The following PDPK1 variants were observed in gnomAD, a reference collection of about 807,000 sequenced individuals.
The protein encoded by PDPK1 is 3-phosphoinositide dependent protein kinase 1.
PDPK1 carries 7 observed loss-of-function variants against 39.8 expected under a neutral mutation model. The observed-to-expected ratio is 0.18, with a 90% CI of 0.10 to 0.33. PDPK1 has a LOEUF of 0.33. Ranked by LOEUF, PDPK1 falls within the 10% of genes least tolerant of loss-of-function variation. PDPK1 has a pLI of 1.00. For missense variants in PDPK1, 182 were observed against 384.7 expected (o/e 0.47, Z 4.41); for synonymous variants, 118 against 159.1 (o/e 0.74, Z 1.95).
intron 11 of PDPK1, among the ~76,000 whole-genome samples, chr16:2,589,255 A>T (rs2066940162): frequency 6.6e-6 from 1 of 152,104 alleles, no homozygotes; most frequent in South Asian, 2.1e-4. Context: ...CGCGCCAGCC[A>T]ATGTATGCAT....
chr16:2,587,755 C>T (rs1567165416), intron 11 of PDPK1, among the ~76,000 whole-genome samples: 1 of 152,166 alleles, frequency 6.6e-6, no homozygotes, highest in Admixed American at 6.5e-5. Flanking sequence ...TTTTTAAAAG[C>T]CACGTGTATG....
chr16:2,592,216 C>T (rs891046714), intron 11 of PDPK1, among the ~76,000 whole-genome samples: 1 of 152,124 alleles, frequency 6.6e-6, no homozygotes, highest in Non-Finnish European at 1.5e-5. Flanking sequence ...GCTTTGGCAT[C>T]GGGAAAGGGG....
intron 11 of PDPK1, among the ~76,000 whole-genome samples, chr16:2,587,288 A>G (rs1210227510): frequency 6.6e-6 from 1 of 151,934 alleles, no homozygotes; most frequent in Non-Finnish European, 1.5e-5. Flanking sequence ...GCAGTGTGTG[A>G]TGGAGGGCGT....
rs1005782776 is a variant in PDPK1, at chr16:2,593,408, G to A, written c.1344-2385G>A. On this transcript the variant is annotated intron_variant, in intron 11 of 13. Transcript: ENST00000342085. This position sits in a 1 kb window ranked among gnomAD's most constrained non-coding sequence, Gnocchi z 4.2. ...GGTCCTGGTGGTTTTTTAGGTGGAGGTGGTTTCGTCCTCTTTCCGTGGCTC... is the reference window on the plus strand; with the variant it reads ...GGTCCTGGTGGTTTTTTAGGTGGAGATGGTTTCGTCCTCTTTCCGTGGCTC... The A allele has an allele frequency of 1.2e-5, 4 of 323,356 alleles. No individual in the cohort carries two copies. Among genetic ancestry groups the A allele is most frequent in the African/African-American group, 6.7e-5 (3 of 45,100 alleles). 20.0% of individuals were successfully genotyped at this position (323,356 alleles called of 1,614,324 possible).
In PDPK1 at chr16:2,602,024, C is replaced by G. The variant is rs1033853049; in HGVS notation, c.*4257C>G. The G allele has an allele frequency of 3.0e-5, 7 of 234,300 alleles. No homozygotes were observed. The highest frequency in any genetic ancestry group is 1.5e-4 in the African/African-American group (7 of 45,258). The allele number at this position is 234,300 out of a possible 1,614,324, so 14.5% of individuals were successfully genotyped here. ...TGCACGGAATTTGGTTTCTTGCCCT[C>G]TGAAGCCTGAGGGCCCCCCCTTGCC... is the stretch of plus-strand genomic sequence containing the variant. On this transcript the variant is annotated 3_prime_UTR_variant, in exon 14 of 14. Coordinates refer to ENST00000342085, the MANE Select transcript of PDPK1 (RefSeq NM_002613.5).
At chr16:2,540,555 C>T (rs1020416198) in intron 1 of PDPK1, among the ~76,000 whole-genome samples, 2 of 152,180 alleles carry the variant, frequency 1.3e-5, no homozygotes, top group African/African-American at 4.8e-5. Context: ...AGGAAATCTT[C>T]AGTGCCACTG....
rs566631892 is a variant in PDPK1, at chr16:2,602,687, G to T, written c.*4920G>T. 1.3e-5 allele frequency: 3 copies of T among 234,742 alleles called. No homozygotes were observed. Among genetic ancestry groups the T allele is most frequent in the South Asian group, 1.8e-4 (1 of 5,526 alleles). The allele number at this position is 234,742 out of a possible 1,614,324, so 14.5% of individuals were successfully genotyped here. A position where few individuals can be genotyped will look rare whatever the true frequency, so the allele number is the denominator to read the frequency against. On this transcript the variant is annotated 3_prime_UTR_variant, in exon 14 of 14. Transcript: ENST00000342085. Reference sequence around the variant, plus strand: ...CTTCACAACATAAAATAGGATAAATGACTAGTACGTCTTTCAGGTGGGTGG... The same window carrying T: ...CTTCACAACATAAAATAGGATAAATTACTAGTACGTCTTTCAGGTGGGTGG...
intron 11 of PDPK1, 29 bp from the exon 12 acceptor site, chr16:2,595,764 G>A (rs1407402537): frequency 1.9e-6 from 3 of 1,564,016 alleles, no homozygotes; most frequent in East Asian, 2.2e-5. Context: ...ATTGTCATGG[G>A]AGCATCTCTT....
At chr16:2,595,012 A>G (rs1334452267) in intron 11 of PDPK1, among the ~76,000 whole-genome samples, 2 of 152,186 alleles carry the variant, frequency 1.3e-5, no homozygotes, top group African/African-American at 4.8e-5. Flanking sequence ...GGTCCCAGCT[A>G]TTCGGGAGGC....
rs2067149002 is a variant in PDPK1, at chr16:2,598,496, AT to A, written c.*730del. 4.3e-6 allele frequency: 1 copy of A among 233,526 alleles called. No homozygotes were observed. The allele number at this position is 233,526 out of a possible 1,614,324, so 14.5% of individuals were successfully genotyped here. ...TGCCATCGAGGGCTCCGGATCCCTT[AT>A]CCTACTTAGCAGTGTTGGTCTCTGG... On this transcript the variant is annotated 3_prime_UTR_variant, in exon 14 of 14. Transcript: ENST00000342085.
intron 1 of PDPK1, among the ~76,000 whole-genome samples, chr16:2,540,750 C>T (rs978882301): frequency 4.6e-5 from 7 of 152,286 alleles, no homozygotes; most frequent in South Asian, 4.1e-4. Context: ...GGCTGTGATT[C>T]GGCCTTGTTT....
At position 2,593,456 on chromosome 16, in the gene PDPK1, T is replaced by C. The variant is rs1387503079; in HGVS notation, c.1344-2337T>C. On this transcript the variant is annotated intron_variant, in intron 11 of 13. Transcript: ENST00000342085. The surrounding 1 kb of genome is among the most constrained non-coding windows in gnomAD (Gnocchi z 4.2). Reference sequence around the variant, plus strand: ...CTCCCACAGCTCAGTGCTGGGCTGCTGTTCTCGCTCTCAGCCAGGAAGGCG... The same window carrying C: ...CTCCCACAGCTCAGTGCTGGGCTGCCGTTCTCGCTCTCAGCCAGGAAGGCG... 8.1e-6 allele frequency: 2 copies of C among 247,820 alleles called. No individual in the cohort carries two copies. Among genetic ancestry groups the C allele is most frequent in the African/African-American group, 4.7e-5 (2 of 42,606 alleles). 15.4% of individuals were successfully genotyped at this position (247,820 alleles called of 1,614,324 possible). A position where few individuals can be genotyped will look rare whatever the true frequency, so the allele number is the denominator to read the frequency against.
chr16:2,597,230 A>T lies in PDPK1; in HGVS notation c.1509A>T (p.Glu503Asp), dbSNP rs749966481. The change falls in exon 13 of 14, where the codon GAA becomes GAT. Residue 503 changes from glutamate (E) to aspartate (D), a missense_variant. Coordinates refer to ENST00000342085, the MANE Select transcript of PDPK1 (RefSeq NM_002613.5). The surrounding 1 kb of genome is among the most constrained non-coding windows in gnomAD (Gnocchi z 6.3). Reference protein sequence around the residue: ...VLKGEIPWSQELRPEAKNFKT... With the variant: ...VLKGEIPWSQDLRPEAKNFKT... ...AAGGTGAAATTCCTTGGTCACAAGA[A>T]CTTCGACCAGAGGCCAAGAATTTTA... 1.3e-6 allele frequency: 2 copies of T among 1,597,688 alleles called. No individual in the cohort carries two copies. Among genetic ancestry groups the T allele is most frequent in the Non-Finnish European group, 1.7e-6 (2 of 1,166,442 alleles).
At chr16:2,562,555 CTGTT>C (rs2066627276) in intron 4 of PDPK1, 2 of 129,990 alleles carry the variant, frequency 1.5e-5, no homozygotes, top group East Asian at 2.5e-4. Flanking sequence ...TGTGCTCTCT[CTGTT>C]TGGAGGTGCT....
At chr16:2,554,225 A>AAG in intron 1 of PDPK1, 1 of 149,954 alleles carries the variant, frequency 6.7e-6, no homozygotes, top group Middle Eastern at 3.4e-3. Context: ...GATGGGTCTG[A>AAG]AGAGGAGGCA....
chr16:2,544,571 A>T (rs73492125), intron 1 of PDPK1, among the ~76,000 whole-genome samples: 2,907 of 151,588 alleles, frequency 0.019, 95 homozygotes, highest in African/African-American at 0.066. Context: ...TGTATACATT[A>T]CCCCCTCACC....
At chr16:2,552,581 C>T (rs1428158136) in intron 1 of PDPK1, among the ~76,000 whole-genome samples, 3 of 133,440 alleles carry the variant, frequency 2.2e-5, no homozygotes, top group East Asian at 2.2e-4. Context: ...GGCAGTGACT[C>T]GTCATTGAGT....
At chr16:2,546,261 T>C (rs2066344123) in intron 1 of PDPK1, among the ~76,000 whole-genome samples, 1 of 151,458 alleles carries the variant, frequency 6.6e-6, no homozygotes, top group South Asian at 2.1e-4. Context: ...TTTTTGTGTT[T>C]TTAGTAGAGA....
At chr16:2,587,976 G>A (rs370285984) in intron 11 of PDPK1, among the ~76,000 whole-genome samples, 1 of 152,192 alleles carries the variant, frequency 6.6e-6, no homozygotes, top group Non-Finnish European at 1.5e-5. Context: ...GGAGCCCAAG[G>A]GGGTGGGGAG....
Sources: allele counts gnomAD v4.1 joint callset (sites outside exome capture counted in the v4.1 genomes callset), GRCh38; gene constraint gnomAD v4.1.1; non-coding constraint Gnocchi (gnomAD v3.1); transcripts MANE v1.5; gene names NCBI Gene and HGNC (gene_info 2026-07-23, HGNC 2026-07-21).